The following MAGI2 variants were observed in gnomAD, a reference collection of about 807,000 sequenced individuals.
MAGI2 encodes membrane-associated guanylate kinase, WW and PDZ domain-containing protein 2.
A neutral mutation model predicts 133.3 loss-of-function variants in MAGI2; 35 were observed. The ratio of observed to expected loss-of-function variants is 0.26; its 90% CI spans 0.20 to 0.35. The LOEUF (loss-of-function observed/expected upper bound fraction) is 0.35, where lower values mean the gene tolerates loss of function less well. Among genes scored for constraint, MAGI2 ranks in the 10% least tolerant of loss-of-function variants. The pLI, the probability that MAGI2 is intolerant of heterozygous loss-of-function variation, is 1.00. For missense variants in MAGI2, 1,636 were observed against 1,863.4 expected (o/e 0.88, Z 2.25); for synonymous variants, 729 against 710.6 (o/e 1.03, Z -0.41).
intron 9 of MAGI2, among the ~76,000 whole-genome samples, chr7:78,284,964 G>C (rs1335843230): frequency 1.3e-5 from 2 of 152,130 alleles, no homozygotes; most frequent in Non-Finnish European, 2.9e-5. Flanking sequence ...ACACTTTACA[G>C]TTTAAATTAG....
intron 21 of MAGI2, among the ~76,000 whole-genome samples, chr7:78,036,191 A>G (rs904034567): frequency 6.6e-5 from 10 of 152,166 alleles, no homozygotes; most frequent in Non-Finnish European, 1.5e-4. Context: ...CAGGGATAGG[A>G]AAGAATTGAA....
At position 79,359,545 on chromosome 7, in the gene MAGI2, G is replaced by T. The variant is rs147070015; in HGVS notation, c.301+93475C>A. Among the ~76,000 whole-genome samples, 49 of 151,908 alleles carry T rather than the reference G, an allele frequency of 3.2e-4. 2 individuals are homozygous for T. The East Asian group carries it at 9.1e-3, about 28-fold the overall frequency. On this transcript the variant is annotated intron_variant, in intron 1 of 21. Transcript: ENST00000354212. ...AAAGAATCCATTCCAAGAAATCATT[G>T]CTAAACATTTGAAAATTAAAGACAA... is the stretch of plus-strand genomic sequence containing the variant.
At chr7:79,106,151 A>C (rs1818432288) in intron 1 of MAGI2, among the ~76,000 whole-genome samples, 1 of 152,222 alleles carries the variant, frequency 6.6e-6, no homozygotes, top group Non-Finnish European at 1.5e-5. Flanking sequence ...TACATGCAGC[A>C]AATTGGATGA....
intron 1 of MAGI2, among the ~76,000 whole-genome samples, chr7:79,392,724 C>A (rs1404220645): frequency 1.3e-5 from 2 of 151,900 alleles, no homozygotes; most frequent in Non-Finnish European, 2.9e-5. Context: ...TTTTCTTGAC[C>A]TTTACTCAAT....
chr7:78,694,652 T>C (rs954541326), intron 2 of MAGI2, among the ~76,000 whole-genome samples: 1 of 152,076 alleles, frequency 6.6e-6, no homozygotes, highest in African/African-American at 2.4e-5. Context: ...GGAAGCAACA[T>C]AACATAGAGT....
At chr7:78,102,724 C>T (rs1327352228) in intron 20 of MAGI2, among the ~76,000 whole-genome samples, 1 of 152,220 alleles carries the variant, frequency 6.6e-6, no homozygotes, top group Non-Finnish European at 1.5e-5. Context: ...AGGCTAAGCA[C>T]ACTACCTAAC....
intron 6 of MAGI2, among the ~76,000 whole-genome samples, chr7:78,406,535 A>G (rs539364628): frequency 1.3e-5 from 2 of 152,138 alleles, no homozygotes; most frequent in African/African-American, 4.8e-5. Flanking sequence ...ATATTTAGTG[A>G]TTTATGAGTT....
chr7:79,107,027 G>T (rs1394330228), intron 1 of MAGI2, among the ~76,000 whole-genome samples: 1 of 152,168 alleles, frequency 6.6e-6, no homozygotes, highest in Non-Finnish European at 1.5e-5. Flanking sequence ...AGAGATTAAT[G>T]TCCTGATTCC....
At chr7:79,433,537 A>G (rs1025394643) in intron 1 of MAGI2, among the ~76,000 whole-genome samples, 2 of 151,560 alleles carry the variant, frequency 1.3e-5, no homozygotes, top group Non-Finnish European at 2.9e-5. Context: ...TGGGCGACAG[A>G]GCAAGACTCT....
intron 20 of MAGI2, among the ~76,000 whole-genome samples, chr7:78,107,292 G>GT (rs1370499799): frequency 6.6e-6 from 1 of 152,014 alleles, no homozygotes; most frequent in Non-Finnish European, 1.5e-5. Flanking sequence ...GACCCCTGTA[G>GT]TTTTATTCTT....
chr7:78,070,135 G>A (rs1359051339), intron 21 of MAGI2, among the ~76,000 whole-genome samples: 6 of 121,796 alleles, frequency 4.9e-5, no homozygotes, highest in Non-Finnish European at 3.5e-5. Flanking sequence ...ACATATATGT[G>A]TGTGTATATA....
intron 2 of MAGI2, among the ~76,000 whole-genome samples, chr7:78,681,672 C>G (rs890709324): frequency 6.6e-6 from 1 of 151,940 alleles, no homozygotes; most frequent in Non-Finnish European, 1.5e-5. Context: ...AGGAAGGAGA[C>G]CTGGGGAGAA....
intron 2 of MAGI2, among the ~76,000 whole-genome samples, chr7:78,637,622 C>T (rs1255885622): frequency 1.3e-5 from 2 of 152,170 alleles, no homozygotes; most frequent in Non-Finnish European, 2.9e-5. Flanking sequence ...TACAACTATA[C>T]TTATCAAATG....
chr7:78,325,966 T>C (rs571748232), intron 9 of MAGI2, among the ~76,000 whole-genome samples: 32 of 152,334 alleles, frequency 2.1e-4, no homozygotes, highest in African/African-American at 7.7e-4. Flanking sequence ...TTTTATAATC[T>C]TTCCATTCCT....
chr7:78,544,759 G>A (rs562913829), intron 3 of MAGI2, among the ~76,000 whole-genome samples: 15 of 152,108 alleles, frequency 9.9e-5, no homozygotes, highest in African/African-American at 2.7e-4. Flanking sequence ...TCTTGAACCC[G>A]GGAGGTGGAG....
rs148112886 is a variant in MAGI2, at chr7:78,772,942, C to T, written c.419-145703G>A. Among the ~76,000 whole-genome samples, 1,272 of 152,274 alleles carry T rather than the reference C, an allele frequency of 8.4e-3. 11 individuals are homozygous for T. The highest frequency in any genetic ancestry group is 0.014 in the Non-Finnish European group (920 of 68,006). On this transcript the variant is annotated intron_variant, in intron 2 of 21. Coordinates refer to ENST00000354212, the MANE Select transcript of MAGI2 (RefSeq NM_012301.4). ...TTCACCTTTTCTTTTTTCCCTCTAG[C>T]ATTGGCTGTTTTCATTTTGCATTTA...
At chr7:78,137,182 C>T (rs1822236875) in intron 16 of MAGI2, among the ~76,000 whole-genome samples, 1 of 152,140 alleles carries the variant, frequency 6.6e-6, no homozygotes, top group Admixed American at 6.5e-5. Context: ...TTTTTGCCCC[C>T]TTTCATGTTC....
intron 1 of MAGI2, among the ~76,000 whole-genome samples, chr7:79,275,637 A>T (rs555501840): frequency 5.9e-5 from 9 of 152,180 alleles, no homozygotes; most frequent in Non-Finnish European, 1.2e-4. Context: ...TTGGAAGAAG[A>T]TGTCATCTAG....
chr7:78,815,865 A>G (rs1328088671), intron 2 of MAGI2, among the ~76,000 whole-genome samples: 2 of 152,202 alleles, frequency 1.3e-5, no homozygotes, highest in Non-Finnish European at 2.9e-5. Flanking sequence ...GCCAATTAAT[A>G]ACCTTACAAT....
Sources: gnomAD v4.1 joint callset for allele counts (sites outside exome capture counted in the v4.1 genomes callset) on GRCh38, gnomAD v4.1.1 for gene constraint, MANE v1.5 for transcripts, NCBI Gene and HGNC (gene_info 2026-07-23, HGNC 2026-07-21) for gene names.